The following DAB1 variants were observed in gnomAD, a reference collection of about 807,000 sequenced individuals.
DAB1 encodes disabled homolog 1.
DAB1 carries 15 observed loss-of-function variants against 64.6 expected under a neutral mutation model. That is an observed-to-expected ratio of 0.23 (90% CI 0.16 to 0.36). The LOEUF (loss-of-function observed/expected upper bound fraction) is 0.36. DAB1 is among the 10% of genes least tolerant of loss of function. DAB1 has a pLI of 1.00. For synonymous variants in DAB1, 235 were observed against 251.9 expected (o/e 0.93, Z 0.64); for missense variants, 596 against 706.7 (o/e 0.84, Z 1.78).
At chr1:58,238,758 G>C (rs577438993) in intron 4 of DAB1, among the ~76,000 whole-genome samples, 6 of 152,244 alleles carry the variant, frequency 3.9e-5, no homozygotes, top group Admixed American at 2.0e-4. Flanking sequence ...ATCAGGAAGA[G>C]AGCAAATTTG....
At chr1:57,316,948 G>A (rs549611910) in intron 1 of DAB1, among the ~76,000 whole-genome samples, 3 of 152,280 alleles carry the variant, frequency 2.0e-5, no homozygotes, top group African/African-American at 7.2e-5. Flanking sequence ...TTACTTGTAA[G>A]CAAGTATGCT....
At chr1:57,088,764 T>C (rs1396071991) in intron 4 of DAB1, among the ~76,000 whole-genome samples, 1 of 152,240 alleles carries the variant, frequency 6.6e-6, no homozygotes, top group Admixed American at 6.5e-5. Flanking sequence ...CTACTGTCAA[T>C]TGTTACTGAA....
intron 3 of DAB1, among the ~76,000 whole-genome samples, chr1:58,442,061 G>A (rs371764095): frequency 2.0e-5 from 3 of 152,286 alleles, no homozygotes; most frequent in South Asian, 4.2e-4. Flanking sequence ...GGAAGTAAGC[G>A]GTTTGTAAAT....
intron 5 of DAB1, among the ~76,000 whole-genome samples, chr1:58,051,323 T>C (rs945561431): frequency 6.6e-6 from 1 of 152,082 alleles, no homozygotes; most frequent in African/African-American, 2.4e-5. Context: ...CTTGTGATAG[T>C]TTGCTCAGAA....
At chr1:58,350,023 G>A (rs984543436) in intron 3 of DAB1, among the ~76,000 whole-genome samples, 1 of 152,122 alleles carries the variant, frequency 6.6e-6, no homozygotes, top group African/African-American at 2.4e-5. Context: ...GATCCTTGAG[G>A]AATTGCCACA....
chr1:57,649,257 T>C (rs1424208590), intron 7 of DAB1, among the ~76,000 whole-genome samples: 2 of 152,096 alleles, frequency 1.3e-5, no homozygotes, highest in Non-Finnish European at 2.9e-5. Context: ...CATAGTTCTG[T>C]TGAAAATCAA....
intron 1 of DAB1, among the ~76,000 whole-genome samples, chr1:57,397,542 A>G (rs1294605680): frequency 6.6e-5 from 10 of 152,144 alleles, no homozygotes; most frequent in Admixed American, 6.6e-4. Flanking sequence ...CTGGGCTCTG[A>G]GGAAAGGAGC....
Position 57,392,304 on chromosome 1 carries a change from C to T in DAB1, c.-137+31626G>A, listed in dbSNP as rs555751934. On this transcript the variant is annotated intron_variant, in intron 1 of 14. Transcript: ENST00000371236. ...AGGAGAATTGCTTGAACCCAGGGGG[C>T]GGAGGTTGCAGTGAGCGAGATCGTG... Among the ~76,000 whole-genome samples the T allele has an allele frequency of 2.4e-4, 36 of 152,204 alleles. No individual in the cohort carries two copies. In the East Asian group the frequency reaches 6.6e-3, roughly 28 times the overall value.
At chr1:57,557,688 TGTTTAGAGA>T (rs1169288296) in intron 7 of DAB1, among the ~76,000 whole-genome samples, 2 of 152,158 alleles carry the variant, frequency 1.3e-5, no homozygotes, top group African/African-American at 4.8e-5. Flanking sequence ...TGGCATGAAC[TGTTTAGAGA>T]GTTATGCAAA....
chr1:58,093,064 C>A (rs1269039396), intron 5 of DAB1, among the ~76,000 whole-genome samples: 1 of 152,210 alleles, frequency 6.6e-6, no homozygotes, highest in Non-Finnish European at 1.5e-5. Context: ...CGAGCCTTAG[C>A]TGCCTCCCAT....
chr1:57,761,297 T>C (rs957097261), intron 6 of DAB1, among the ~76,000 whole-genome samples: 2 of 152,216 alleles, frequency 1.3e-5, no homozygotes, highest in African/African-American at 4.8e-5. Flanking sequence ...TAGGCCACAG[T>C]ATCTAGCTAG....
In DAB1 at chr1:57,984,240, GAAAGAAAGAAAGAAAGAAAGAAAA is replaced by G. The variant is rs1228552341; in HGVS notation, n.388-100102_388-100079del. Among the ~76,000 whole-genome samples, 188 of 143,648 alleles carry G rather than the reference GAAAGAAAGAAAGAAAGAAAGAAAA, an allele frequency of 1.3e-3. 1 individual carries two copies. Among genetic ancestry groups the G allele is most frequent in the Non-Finnish European group, 2.3e-3 (152 of 65,336 alleles). The allele number at this position is 143,648 out of a possible 152,430, so 94.2% of individuals were successfully genotyped here. ...AGAAAGAAAGAAAGAAAGAAAGAAAGAAAGAAAGAAAGAAAGAAAGAAAAAAAATTAAACAGCCAAACCCATTGC... is the reference window on the plus strand; with the variant it reads ...AGAAAGAAAGAAAGAAAGAAAGAAAGAAAATTAAACAGCCAAACCCATTGC... On this transcript the variant is annotated intron_variant and non_coding_transcript_variant, in intron 5 of 20. Transcript: ENST00000485760.
At chr1:58,130,898 C>T (rs1238245889) in intron 5 of DAB1, among the ~76,000 whole-genome samples, 2 of 151,714 alleles carry the variant, frequency 1.3e-5, no homozygotes, top group African/African-American at 4.8e-5. Context: ...ACATTTTTTC[C>T]TTCATTTCCA....
chr1:58,463,579 G>A (rs1645264702), intron 3 of DAB1, among the ~76,000 whole-genome samples: 1 of 152,234 alleles, frequency 6.6e-6, no homozygotes, highest in Non-Finnish European at 1.5e-5. Flanking sequence ...CCCACATACT[G>A]AGTCTCATAT....
chr1:57,789,946 C>T (rs1230241919), intron 6 of DAB1, among the ~76,000 whole-genome samples: 9 of 152,164 alleles, frequency 5.9e-5, no homozygotes, highest in Admixed American at 5.2e-4. Flanking sequence ...GTGTACCACA[C>T]TGAGCCCTGT....
At chr1:57,130,419 A>G (rs1377099940) in intron 4 of DAB1, among the ~76,000 whole-genome samples, 1 of 152,162 alleles carries the variant, frequency 6.6e-6, no homozygotes, top group Non-Finnish European at 1.5e-5. Flanking sequence ...GTACATATCC[A>G]AAGAAATGAA....
intron 5 of DAB1, among the ~76,000 whole-genome samples, chr1:57,910,318 A>G (rs140643079): frequency 9.8e-4 from 150 of 152,292 alleles, no homozygotes; most frequent in African/African-American, 3.3e-3. Context: ...CAGTGTATAC[A>G]AAGAACAAGA....
chr1:57,585,181 G>A (rs541940682), intron 7 of DAB1, among the ~76,000 whole-genome samples: 15 of 150,328 alleles, frequency 1.0e-4, no homozygotes, highest in Admixed American at 8.0e-4. Flanking sequence ...CCTGGGAGGC[G>A]GAGGGTGCAG....
intron 5 of DAB1, among the ~76,000 whole-genome samples, chr1:58,099,774 T>A (rs1651201063): frequency 6.6e-6 from 1 of 152,220 alleles, no homozygotes; most frequent in Non-Finnish European, 1.5e-5. Context: ...GTAAACAACT[T>A]GCACAGGAAA....
Sources: allele counts gnomAD v4.1 joint callset (sites outside exome capture counted in the v4.1 genomes callset), GRCh38; gene constraint gnomAD v4.1.1; transcripts MANE v1.5; gene names NCBI Gene and HGNC (gene_info 2026-07-23, HGNC 2026-07-21).